DEPDC1B: variants seen among roughly 807,000 people sequenced by gnomAD.
The protein encoded by DEPDC1B is DEP domain containing 1B, also known as DEP domain-containing protein 1B.
DEPDC1B carries 51 observed loss-of-function variants against 66.5 expected under a neutral mutation model. That is an observed-to-expected ratio of 0.77 (90% CI 0.61 to 0.97). The LOEUF is 0.97. Ranked by LOEUF, DEPDC1B falls within the 50% of genes least tolerant of loss-of-function variation. The pLI is 0.00. For synonymous variants in DEPDC1B, 226 were observed against 223.6 expected, an observed-to-expected ratio of 1.01 and a Z score of -0.10; for missense variants, 552 against 637.1, an observed-to-expected ratio of 0.87 and a Z score of 1.44.
At chr5:60,651,481 T>C (rs1181493498) in intron 2 of DEPDC1B, among the ~76,000 whole-genome samples, 10 of 150,506 alleles carry the variant, frequency 6.6e-5, no homozygotes, top group African/African-American at 2.5e-4. Flanking sequence ...TGAGCTGAAA[T>C]TGCACCACTG....
At chr5:60,602,836 A>G (rs1040925085) in intron 9 of DEPDC1B, among the ~76,000 whole-genome samples, 1 of 152,234 alleles carries the variant, frequency 6.6e-6, no homozygotes, top group Admixed American at 6.5e-5. Flanking sequence ...GTCACACGAC[A>G]GAAAGGATAC....
chr5:60,647,642 A>C, intron 2 of DEPDC1B, 109 bp from the exon 3 acceptor site: 1 of 1,222,152 alleles, frequency 8.2e-7, no homozygotes, highest in South Asian at 1.5e-5. Context: ...TAATTTGTAC[A>C]ATATTTATAC....
intron 2 of DEPDC1B, among the ~76,000 whole-genome samples, chr5:60,681,207 C>T (rs1039688259): frequency 6.6e-6 from 1 of 152,138 alleles, no homozygotes; most frequent in Non-Finnish European, 1.5e-5. Context: ...ACCACCAATG[C>T]CAGCACCTGC....
chr5:60,673,573 T>G (rs1196675427), intron 2 of DEPDC1B, among the ~76,000 whole-genome samples: 1 of 152,232 alleles, frequency 6.6e-6, no homozygotes, highest in Non-Finnish European at 1.5e-5. Flanking sequence ...TGTGCTTCCT[T>G]ATGTTCACAG....
intron 2 of DEPDC1B, among the ~76,000 whole-genome samples, chr5:60,652,814 C>G (rs1393463090): frequency 6.7e-6 from 1 of 149,114 alleles, no homozygotes; most frequent in Non-Finnish European, 1.5e-5. Flanking sequence ...CCTTTGCATC[C>G]TCATAGCTTA....
chr5:60,651,157 G>T (rs1246657833), intron 2 of DEPDC1B, among the ~76,000 whole-genome samples: 1 of 152,154 alleles, frequency 6.6e-6, no homozygotes, highest in East Asian at 1.9e-4. Context: ...TCCTGGAGGT[G>T]GATTCTCTAG....
At chr5:60,698,819 C>T (rs1007869193) in intron 1 of DEPDC1B, among the ~76,000 whole-genome samples, 1 of 152,122 alleles carries the variant, frequency 6.6e-6, no homozygotes, top group African/African-American at 2.4e-5. Flanking sequence ...GCGCATGCCA[C>T]CATGCCCAGC....
At chr5:60,679,586 AG>A (rs1489305353) in intron 2 of DEPDC1B, among the ~76,000 whole-genome samples, 1 of 152,216 alleles carries the variant, frequency 6.6e-6, no homozygotes, top group East Asian at 1.9e-4. Context: ...TGAGACAGGC[AG>A]GAAATAAAAA....
At chr5:60,658,589 T>C (rs1753632947) in intron 2 of DEPDC1B, among the ~76,000 whole-genome samples, 1 of 152,034 alleles carries the variant, frequency 6.6e-6, no homozygotes, top group Non-Finnish European at 1.5e-5. Context: ...CATGGGCTTG[T>C]AACTCAGCTC....
intron 2 of DEPDC1B, among the ~76,000 whole-genome samples, chr5:60,664,033 A>G (rs1753779917): frequency 6.6e-6 from 1 of 152,204 alleles, no homozygotes; most frequent in African/African-American, 2.4e-5. Flanking sequence ...GCCATTATAC[A>G]CACTAATTAA....
chr5:60,688,467 G>A (rs746517986), intron 1 of DEPDC1B, among the ~76,000 whole-genome samples: 1 of 152,090 alleles, frequency 6.6e-6, no homozygotes, highest in East Asian at 1.9e-4. Flanking sequence ...CATTACTCCC[G>A]GTGTAATGCA....
At chr5:60,639,573 C>T (rs571318281) in intron 6 of DEPDC1B, among the ~76,000 whole-genome samples, 1 of 152,276 alleles carries the variant, frequency 6.6e-6, no homozygotes, top group African/African-American at 2.4e-5. Flanking sequence ...CACTGAAACC[C>T]TGAAACAGCC....
intron 7 of DEPDC1B, among the ~76,000 whole-genome samples, chr5:60,621,589 C>T (rs965785469): frequency 1.3e-5 from 2 of 151,630 alleles, no homozygotes; most frequent in Non-Finnish European, 2.9e-5. Context: ...ATGTAAATGT[C>T]GACTTAATGG....
At chr5:60,683,030 C>T (rs1183716227) in intron 2 of DEPDC1B, among the ~76,000 whole-genome samples, 3 of 151,986 alleles carry the variant, frequency 2.0e-5, no homozygotes, top group Admixed American at 2.0e-4. Flanking sequence ...AACATAGATA[C>T]AAAAATCCTC....
intron 7 of DEPDC1B, among the ~76,000 whole-genome samples, chr5:60,615,350 T>C (rs564402682): frequency 0.016 from 2,421 of 152,198 alleles, 38 homozygotes; most frequent in Non-Finnish European, 0.02. Context: ...TGGTGACGCA[T>C]CGCCTCACCT....
intron 9 of DEPDC1B, 72 bp downstream of exon 9, chr5:60,603,319 C>A: frequency 7.2e-7 from 1 of 1,383,078 alleles, no homozygotes; most frequent in Non-Finnish European, 9.5e-7. Flanking sequence ...ATAAAATGCC[C>A]CAAGAAGCCT....
rs1371690127 is a variant in DEPDC1B at position 60,686,970 on chromosome 5, G to C, written c.306C>G (p.His102Gln). 1 of 1,614,172 alleles carries C rather than the reference G, an allele frequency of 6.2e-7. No individual in the cohort carries two copies. The highest frequency in any genetic ancestry group is 1.7e-5 in the Admixed American group (1 of 60,022). ...WGEEDFEDNRHLYRFPPSSPL... is the reference protein window; with the variant it reads ...WGEEDFEDNRQLYRFPPSSPL... Reference sequence around the variant, plus strand: ...TTACATGTTGCCATTACCTGTATAAGTGACGATTGTCTTCAAAATCTTCCT... The same window carrying C: ...TTACATGTTGCCATTACCTGTATAACTGACGATTGTCTTCAAAATCTTCCT... The change falls in exon 2 of 11, where the codon CAC becomes CAG. Residue 102 changes from histidine (H) to glutamine (Q), a missense_variant. Transcript: ENST00000265036.
intron 2 of DEPDC1B, among the ~76,000 whole-genome samples, chr5:60,655,441 T>C (rs1753555401): frequency 6.7e-6 from 1 of 149,212 alleles, no homozygotes. Flanking sequence ...CCTTTAATGA[T>C]CTTTTGTATT....
chr5:60,609,213 T>G (rs1043037692), intron 7 of DEPDC1B, among the ~76,000 whole-genome samples: 2 of 152,122 alleles, frequency 1.3e-5, no homozygotes, highest in African/African-American at 4.8e-5. Flanking sequence ...GAAACCTACA[T>G]ACTGGGTGAT....
Sources: gnomAD v4.1 joint callset for allele counts (sites outside exome capture counted in the v4.1 genomes callset) on GRCh38, gnomAD v4.1.1 for gene constraint, MANE v1.5 for transcripts, NCBI Gene and HGNC (gene_info 2026-07-23, HGNC 2026-07-21) for gene names.